Variants in UNC79 observed in about 807,000 individuals in gnomAD.
UNC79 encodes the protein unc-79 subunit of NALCN channel complex.
Under a neutral mutation model 283.1 loss-of-function variants are expected in UNC79, and 37 were observed. The observed-to-expected ratio is 0.13, with a 90% CI of 0.10 to 0.17. The LOEUF is 0.17. UNC79 is among the 10% of genes least tolerant of loss of function. The pLI, the probability that UNC79 is intolerant of heterozygous loss-of-function variation, is 1.00. For synonymous variants in UNC79, 1,107 were observed against 1,200.2 expected, an observed-to-expected ratio of 0.92 and a Z score of 1.61; for missense variants, 2,272 against 3,211.1, an observed-to-expected ratio of 0.71 and a Z score of 7.07.
At chr14:93,498,178 A>C (rs1297131418) in intron 7 of UNC79, among the ~76,000 whole-genome samples, 2 of 151,594 alleles carry the variant, frequency 1.3e-5, no homozygotes, top group Non-Finnish European at 2.9e-5. Flanking sequence ...GAGGCAGAAT[A>C]ATCACTTGAA....
At chr14:93,534,324 T>C (rs1213551163) in intron 11 of UNC79, among the ~76,000 whole-genome samples, 1 of 152,246 alleles carries the variant, frequency 6.6e-6, no homozygotes, top group Non-Finnish European at 1.5e-5. Context: ...CTGAGTAACT[T>C]TCTCAATCTG....
intron 35 of UNC79, among the ~76,000 whole-genome samples, chr14:93,649,105 A>T (rs1432695890): frequency 6.6e-6 from 1 of 152,196 alleles, no homozygotes; most frequent in Non-Finnish European, 1.5e-5. Flanking sequence ...TAAAAGAGAG[A>T]TACTAATATA....
At chr14:93,529,213 CA>C in intron 9 of UNC79, 72 bp from the exon 10 acceptor site, 1 of 1,520,992 alleles carries the variant, frequency 6.6e-7, no homozygotes, top group Non-Finnish European at 9.0e-7. Context: ...CACTAGTGTG[CA>C]GCTTATAAAC....
In UNC79 at chr14:93,481,965, C is replaced by A. The variant is rs190044600; in HGVS notation, c.619+4237C>A. 5.3e-5 allele frequency among the ~76,000 whole-genome samples: 8 copies of A among 152,264 alleles called. No homozygotes were observed. The East Asian group carries it at 1.5e-3, about 29-fold the overall frequency. On this transcript the variant is annotated intron_variant, in intron 4 of 48. Transcript: ENST00000555664. Reference sequence around the variant, plus strand: ...TGGCAAATCTCCTAACCTCATGGAACTTTGGTTTCCTTAGCTGTAAAATGG... The same window carrying A: ...TGGCAAATCTCCTAACCTCATGGAAATTTGGTTTCCTTAGCTGTAAAATGG...
chr14:93,465,285 TGAGTGATAA>T (rs931591430), intron 1 of UNC79, among the ~76,000 whole-genome samples: 74 of 152,312 alleles, frequency 4.9e-4, no homozygotes, highest in African/African-American at 1.7e-3. Context: ...CCTAAAGACC[TGAGTGATAA>T]GTGCTGTTAC....
At chr14:93,380,303 A>C (rs758278061) in intron 1 of UNC79, among the ~76,000 whole-genome samples, 26 of 152,216 alleles carry the variant, frequency 1.7e-4, no homozygotes, top group Non-Finnish European at 3.1e-4. Flanking sequence ...TAAAAAATGA[A>C]GATCATATAT....
intron 14 of UNC79, among the ~76,000 whole-genome samples, chr14:93,569,923 C>A (rs2063119232): frequency 6.6e-6 from 1 of 152,098 alleles, no homozygotes; most frequent in African/African-American, 2.4e-5. Context: ...AAAGCCAGAA[C>A]ATTTATTTAT....
At chr14:93,612,665 C>G in intron 26 of UNC79, 132 bp from the exon 28 acceptor site, 1 of 1,259,648 alleles carries the variant, frequency 7.9e-7, no homozygotes, top group South Asian at 1.5e-5. Flanking sequence ...CTTTAAGTTT[C>G]TTAAAGTCTG....
intron 22 of UNC79, 87 bp downstream of exon 22, chr14:93,586,995 G>C (rs201725987): frequency 1.2e-5 from 19 of 1,521,454 alleles, no homozygotes; most frequent in South Asian, 1.0e-4. Context: ...TTACTGGCTT[G>C]TTTGGGTTAT....
At chr14:93,648,036 G>A (rs561448360) in intron 35 of UNC79, among the ~76,000 whole-genome samples, 2 of 152,294 alleles carry the variant, frequency 1.3e-5, no homozygotes, top group East Asian at 3.9e-4. Context: ...CTCCCACAAC[G>A]TGTGGGAATT....
intron 42 of UNC79, 87 bp downstream of exon 45, chr14:93,682,781 T>G (rs1389998238): frequency 3.1e-6 from 4 of 1,310,694 alleles, no homozygotes; most frequent in Non-Finnish European, 4.3e-6. Flanking sequence ...ACATCAGGGT[T>G]TGAGGCCTGC....
intron 1 of UNC79, among the ~76,000 whole-genome samples, chr14:93,463,541 A>G (rs977572229): frequency 6.6e-6 from 1 of 152,166 alleles, no homozygotes; most frequent in East Asian, 1.9e-4. Context: ...GGAGAGATTA[A>G]TTTCATAGGA....
intron 1 of UNC79, among the ~76,000 whole-genome samples, chr14:93,359,667 C>T (rs747320003): frequency 6.6e-6 from 1 of 152,074 alleles, no homozygotes; most frequent in African/African-American, 2.4e-5. Flanking sequence ...CTACTGCATT[C>T]CTACTTAATT....
intron 14 of UNC79, among the ~76,000 whole-genome samples, chr14:93,568,439 C>T (rs545188613): frequency 2.6e-5 from 4 of 152,064 alleles, no homozygotes; most frequent in Non-Finnish European, 4.4e-5. Flanking sequence ...TTTGGGAGGC[C>T]GAGGAGCATG....
chr14:93,432,160 T>C (rs1220353742), intron 1 of UNC79, among the ~76,000 whole-genome samples: 3 of 152,224 alleles, frequency 2.0e-5, no homozygotes, highest in African/African-American at 7.2e-5. Context: ...AGTAGTCTCA[T>C]TATTTGAGGG....
rs544023150 is a variant in UNC79 at position 93,440,666 on chromosome 14, G to T, written c.22+9615G>T. 4.0e-5 allele frequency among the ~76,000 whole-genome samples: 6 copies of T among 151,692 alleles called. No individual in the cohort carries two copies. In the East Asian group the frequency reaches 9.7e-4, roughly 24 times the overall value. On this transcript the variant is annotated intron_variant, in intron 1 of 48. Coordinates refer to ENST00000555664, the Ensembl canonical transcript of UNC79. ...ACTATTTTCAAGAAATTCTGCAATT[G>T]AATTTTGTATATTTGCCTTTGACCT...
At chr14:93,583,864 A>G (rs2141811360) in intron 20 of UNC79, among the ~76,000 whole-genome samples, 1 of 145,346 alleles carries the variant, frequency 6.9e-6, no homozygotes, top group Non-Finnish European at 1.5e-5. Flanking sequence ...GGAGTGCAGG[A>G]GCCCGATCAC....
exon 30 of UNC79, chr14:93,622,013 G>C (rs1326761930): frequency 8.1e-6 from 13 of 1,613,900 alleles, no homozygotes; most frequent in Non-Finnish European, 1.0e-5. Flanking sequence ...GGTGAAAGTT[G>C]ACTCGCCGGT....
chr14:93,481,781 A>G (rs7142559), intron 4 of UNC79, among the ~76,000 whole-genome samples: 46,635 of 152,038 alleles, frequency 0.31, 7,522 homozygotes, highest in East Asian at 0.65. Context: ...AATATTAATG[A>G]TATTTAAATA....
Sources: gnomAD v4.1 joint callset for allele counts (sites outside exome capture counted in the v4.1 genomes callset) on GRCh38, gnomAD v4.1.1 for gene constraint, MANE v1.5 for transcripts, NCBI Gene and HGNC (gene_info 2026-07-23, HGNC 2026-07-21) for gene names.